Variants in ZMYND8 observed in about 807,000 individuals in gnomAD.
The protein encoded by ZMYND8 is MYND-type zinc finger-containing chromatin reader ZMYND8.
ZMYND8 carries 37 observed loss-of-function variants against 140.8 expected under a neutral mutation model. That is an observed-to-expected ratio of 0.26 (90% CI 0.20 to 0.35). The LOEUF (loss-of-function observed/expected upper bound fraction) is 0.35, where lower values mean the gene tolerates loss of function less well. Among genes scored for constraint, ZMYND8 ranks in the 10% least tolerant of loss-of-function variants. The pLI is 1.00. For synonymous variants in ZMYND8, 592 were observed against 597.1 expected (o/e 0.99, Z 0.12); for missense variants, 1,068 against 1,570.0 (o/e 0.68, Z 5.40).
At chr20:47,245,454 C>A (rs985730643) in intron 14 of ZMYND8, among the ~76,000 whole-genome samples, 1 of 152,154 alleles carries the variant, frequency 6.6e-6, no homozygotes, top group African/African-American at 2.4e-5. Flanking sequence ...CTATGTAGGT[C>A]AAGCTGGTTT....
chr20:47,236,608 C>T lies in ZMYND8; in HGVS notation c.2666-92G>A, dbSNP rs1280884505. ...TAGAAGCAAAGCCCCTAATAGACAT[C>T]CTGAGAGCTTTTCTACTTTTAAATG... On this transcript the variant is annotated intron_variant, in intron 15 of 22. Transcript: ENST00000471951. 5 of 1,291,116 alleles carry T rather than the reference C, an allele frequency of 3.9e-6. No individual in the cohort carries two copies. In the African/African-American group the frequency reaches 7.6e-5, roughly 20 times the overall value. 80.0% of individuals were successfully genotyped at this position (1,291,116 alleles called of 1,614,324 possible).
At chr20:47,285,476 C>A (rs1192621685) in intron 8 of ZMYND8, among the ~76,000 whole-genome samples, 1 of 152,164 alleles carries the variant, frequency 6.6e-6, no homozygotes, top group African/African-American at 2.4e-5. Flanking sequence ...CAAGGAAATG[C>A]AAACTAAAAT....
intron 15 of ZMYND8, 78 bp from the exon 16 acceptor site, chr20:47,236,594 C>T (rs1311907992): frequency 7.3e-7 from 1 of 1,370,842 alleles, no homozygotes; most frequent in South Asian, 1.5e-5. Context: ...AGAAGCAAAG[C>T]CCCTAATAGA....
Position 47,268,795 on chromosome 20 carries a change from A to C in ZMYND8, c.1481-6367T>G, listed in dbSNP as rs140606342. Among the ~76,000 whole-genome samples, 23 of 151,916 alleles carry C rather than the reference A, an allele frequency of 1.5e-4. No individual in the cohort carries two copies. In the East Asian group the frequency reaches 4.5e-3, roughly 30 times the overall value. ...TCTCAAAAAAAAAGAAAAAGAAACAATGACAACCAGATAAAACCTTTTTCA... is the reference window on the plus strand; with the variant it reads ...TCTCAAAAAAAAAGAAAAAGAAACACTGACAACCAGATAAAACCTTTTTCA... On this transcript the variant is annotated intron_variant, in intron 11 of 22. Coordinates refer to ENST00000471951, the MANE Select transcript of ZMYND8 (RefSeq NM_001281775.3).
intron 10 of ZMYND8, among the ~76,000 whole-genome samples, chr20:47,280,971 G>C (rs1408456260): frequency 6.6e-6 from 1 of 152,134 alleles, no homozygotes; most frequent in South Asian, 2.1e-4. Flanking sequence ...CCTGACCTGA[G>C]ATTATCTTGC....
At chr20:47,349,997 C>A in intron 1 of ZMYND8, 1 of 1,495,654 alleles carries the variant, frequency 6.7e-7, no homozygotes. Flanking sequence ...TGCTGAGAGA[C>A]GAGGAAAATG....
intron 12 of ZMYND8, among the ~76,000 whole-genome samples, chr20:47,260,392 G>A (rs142188939): frequency 4.6e-5 from 7 of 152,148 alleles, no homozygotes; most frequent in East Asian, 1.9e-4. Context: ...TACTGTCTCC[G>A]ACTCCACGGA....
chr20:47,261,667 G>T (rs1373979435), intron 12 of ZMYND8, among the ~76,000 whole-genome samples: 1 of 152,102 alleles, frequency 6.6e-6, no homozygotes. Flanking sequence ...CTGCACATAG[G>T]AAAGGTAAGT....
intron 19 of ZMYND8, 86 bp from the exon 20 acceptor site, chr20:47,221,560 G>T: frequency 1.4e-6 from 2 of 1,475,524 alleles, no homozygotes; most frequent in Non-Finnish European, 1.8e-6. Context: ...CCTGCACCCA[G>T]TGGCACCCAA....
intron 11 of ZMYND8, among the ~76,000 whole-genome samples, chr20:47,275,171 T>A (rs1319519329): frequency 6.6e-6 from 1 of 152,172 alleles, no homozygotes; most frequent in Admixed American, 6.5e-5. Flanking sequence ...AAACCTGACA[T>A]TTAAGAATTG....
intron 8 of ZMYND8, among the ~76,000 whole-genome samples, chr20:47,283,889 C>T (rs919720865): frequency 1.3e-5 from 2 of 152,086 alleles, no homozygotes; most frequent in African/African-American, 4.8e-5. Flanking sequence ...CACTTTTACC[C>T]CCATTATAGA....
chr20:47,294,021 GCTCC>G (rs1255438041), intron 5 of ZMYND8, among the ~76,000 whole-genome samples: 2 of 151,930 alleles, frequency 1.3e-5, no homozygotes, highest in African/African-American at 4.8e-5. Flanking sequence ...TTTCCTGAGG[GCTCC>G]CTAGCCATGC....
intron 14 of ZMYND8, among the ~76,000 whole-genome samples, chr20:47,245,487 C>G (rs903969537): frequency 6.6e-6 from 1 of 152,154 alleles, no homozygotes; most frequent in Non-Finnish European, 1.5e-5. Context: ...CTCAAATGAT[C>G]CACCCGCCTC....
intron 1 of ZMYND8, chr20:47,354,238 C>A (rs942027727): frequency 1.3e-5 from 2 of 152,146 alleles, no homozygotes; most frequent in Non-Finnish European, 2.9e-5. Context: ...TCTTGGCTCT[C>A]CAAACCTGTG....
At chr20:47,330,969 C>A (rs1343795699) in intron 2 of ZMYND8, among the ~76,000 whole-genome samples, 1 of 152,124 alleles carries the variant, frequency 6.6e-6, no homozygotes, top group African/African-American at 2.4e-5. Flanking sequence ...GAGAGGAAGG[C>A]AAGGAGGGGA....
intron 2 of ZMYND8, among the ~76,000 whole-genome samples, chr20:47,343,974 TTTTTC>T (rs1167434374): frequency 1.3e-4 from 20 of 149,990 alleles, no homozygotes; most frequent in Non-Finnish European, 2.7e-4. Context: ...TTTTTTTTTT[TTTTTC>T]TTTTTGAGAT....
At chr20:47,229,589 T>C (rs2038199079) in intron 17 of ZMYND8, 137 bp downstream of exon 17, 3 of 739,272 alleles carry the variant, frequency 4.1e-6, no homozygotes, top group Non-Finnish European at 6.8e-6. Flanking sequence ...CCATCGATAA[T>C]GACAATCAGT....
chr20:47,278,768 C>T (rs570629869), intron 10 of ZMYND8, among the ~76,000 whole-genome samples: 2 of 152,268 alleles, frequency 1.3e-5, no homozygotes, highest in East Asian at 1.9e-4. Context: ...CCAAGAGGGG[C>T]AGAGCAGAAC....
chr20:47,224,351 G>A lies in ZMYND8; in HGVS notation c.3222C>T (p.His1074=). ...SYCDYPCQQA[H]WPEHMKSCTQ... is the part of the protein sequence containing the mutation. Reference sequence around the variant, plus strand: ...TGCAGGACTTCATGTGCTCAGGCCAGTGGGCTTGCTGGCAGGGGTAGTCAC... The same window carrying A: ...TGCAGGACTTCATGTGCTCAGGCCAATGGGCTTGCTGGCAGGGGTAGTCAC... Residue 1074 remains histidine, a synonymous_variant, in exon 19 of 23, where the codon CAC becomes CAT. Transcript: ENST00000471951. 1 of 1,614,278 alleles carries A rather than the reference G, an allele frequency of 6.2e-7. No homozygotes were observed. The highest frequency in any genetic ancestry group is 2.2e-5 in the East Asian group (1 of 44,890).
Sources: gnomAD v4.1 joint callset for allele counts (sites outside exome capture counted in the v4.1 genomes callset) on GRCh38, gnomAD v4.1.1 for gene constraint, MANE v1.5 for transcripts, NCBI Gene and HGNC (gene_info 2026-07-23, HGNC 2026-07-21) for gene names.